CHAC2: variants seen among roughly 807,000 people sequenced by gnomAD.
The protein encoded by CHAC2 is ChaC glutathione specific gamma-glutamylcyclotransferase 2, also known as glutathione-specific gamma-glutamylcyclotransferase 2.
Under a neutral mutation model 16.9 loss-of-function variants are expected in CHAC2, and 20 were observed. The ratio of observed to expected loss-of-function variants is 1.18; its 90% CI spans 0.83 to 1.72. CHAC2 has a LOEUF of 1.72. Among genes scored for constraint, CHAC2 ranks in the 40% most tolerant of loss-of-function variants. The probability of loss-of-function intolerance (pLI) is 0.00; values close to 1 mark genes in which losing one functional copy is unlikely to be tolerated. For missense variants in CHAC2, 269 were observed against 222.2 expected, an observed-to-expected ratio of 1.21 and a Z score of -1.34; for synonymous variants, 91 against 77.3, an observed-to-expected ratio of 1.18 and a Z score of -0.93.
intron 1 of CHAC2, 80 bp from the exon 2 acceptor site, chr2:53,771,827 T>C (rs1288871935): frequency 1.3e-6 from 1 of 778,970 alleles, no homozygotes. Context: ...AAATATTCCA[T>C]GTCAAAAATG....
rs775548080 is a variant in CHAC2, at chr2:53,774,427, A to G, written c.457A>G (p.Arg153Gly). Residue 153 changes from arginine to glycine, a missense_variant, in exon 3 of 3, where the codon AGG becomes GGG. Physicochemically the swap from Arg to Gly is moderately radical, Grantham distance 125. Transcript: ENST00000295304. ...EYLFELANSI[R>G]NLVPEEADEH... The stretch of plus-strand genomic sequence containing the variant: ...TCTTTTTGAACTTGCAAATTCTATT[A>G]GGAACCTTGTGCCAGAAGAAGCAGA... The G allele has an allele frequency of 3.7e-6, 6 of 1,611,854 alleles. No individual in the cohort carries two copies. In the East Asian group the frequency reaches 1.3e-4, roughly 36 times the overall value.
chr2:53,773,175 T>C (rs1410907351), intron 2 of CHAC2, among the ~76,000 whole-genome samples: 1 of 152,168 alleles, frequency 6.6e-6, no homozygotes, highest in African/African-American at 2.4e-5. Flanking sequence ...TAACTCCTAA[T>C]TAAACAGTTA....
At chr2:53,770,100 C>A (rs1477977960) in intron 1 of CHAC2, among the ~76,000 whole-genome samples, 1 of 152,134 alleles carries the variant, frequency 6.6e-6, no homozygotes, top group Non-Finnish European at 1.5e-5. Flanking sequence ...ACTTGACCCT[C>A]ACCAATATAT....
At chr2:53,772,121 G>C (rs114226147) in intron 2 of CHAC2, among the ~76,000 whole-genome samples, 179 bp downstream of exon 2, 2 of 152,220 alleles carry the variant, frequency 1.3e-5, no homozygotes, top group East Asian at 1.9e-4. Flanking sequence ...AGAAAAGTTA[G>C]AATGCAGAGT....
chr2:53,770,639 A>G (rs1227660596), intron 1 of CHAC2, among the ~76,000 whole-genome samples: 1 of 152,132 alleles, frequency 6.6e-6, no homozygotes, highest in East Asian at 1.9e-4. Flanking sequence ...AGTCTTTGAA[A>G]TGGGAGAACA....
At position 53,774,141 on chromosome 2, in the gene CHAC2, G is replaced by C; in HGVS notation, c.172-1G>C. The stretch of plus-strand genomic sequence containing the variant: ...AGTGTATTCTTTTCATTTTTCAACA[G>C]GGATGTGTATGGGGTGTTGCTTACA... On this transcript the variant is annotated splice_acceptor_variant, in intron 2 of 2. Coordinates refer to ENST00000295304, the MANE Select transcript of CHAC2 (RefSeq NM_001008708.4). LOFTEE classifies it high-confidence loss of function. 6.3e-7 allele frequency: 1 copy of C among 1,584,760 alleles called. No individual in the cohort carries two copies.
intron 2 of CHAC2, among the ~76,000 whole-genome samples, chr2:53,773,688 C>G (rs1674112150): frequency 6.6e-6 from 1 of 151,820 alleles, no homozygotes; most frequent in African/African-American, 2.4e-5. Flanking sequence ...CTCGGCCTCC[C>G]AAAGTGCTGG....
At chr2:53,770,764 TA>T (rs952234660) in intron 1 of CHAC2, among the ~76,000 whole-genome samples, 3 of 152,096 alleles carry the variant, frequency 2.0e-5, no homozygotes, top group African/African-American at 7.2e-5. Flanking sequence ...AATGGGAAAA[TA>T]AAATTGCCTA....
intron 1 of CHAC2, among the ~76,000 whole-genome samples, chr2:53,769,239 G>A (rs758771731): frequency 1.3e-5 from 2 of 152,180 alleles, no homozygotes; most frequent in South Asian, 2.1e-4. Flanking sequence ...GGCTGGGCCC[G>A]GTAGCTCACG....
chr2:53,768,340 GA>G (rs1316173772), intron 1 of CHAC2: 2 of 248,316 alleles, frequency 8.1e-6, no homozygotes, highest in Non-Finnish European at 1.5e-5. Flanking sequence ...TCTGCCAAAA[GA>G]AAAAAAGTCC....
chr2:53,769,073 C>T (rs944290276), intron 1 of CHAC2, among the ~76,000 whole-genome samples: 1 of 152,176 alleles, frequency 6.6e-6, no homozygotes, highest in Non-Finnish European at 1.5e-5. Flanking sequence ...GGATGTTGGA[C>T]ACAGTGACCT....
In CHAC2 at chr2:53,774,501, G is replaced by T. The variant is rs1321039105; in HGVS notation, c.531G>T (p.Gly177=). Residue 177 remains glycine, a synonymous_variant, in exon 3 of 3, where the codon GGG becomes GGT. Coordinates refer to ENST00000295304, the MANE Select transcript of CHAC2 (RefSeq NM_001008708.4). ...AATTAGTAAAGGAACGTTTAGAAGG[G>T]AAACAGAACCTCAATTGCATATAAT... ...LEKLVKERLE[G]KQNLNCI is the part of the protein sequence containing the mutation. 1.3e-6 allele frequency: 2 copies of T among 1,557,514 alleles called. No individual in the cohort carries two copies. Among genetic ancestry groups the T allele is most frequent in the African/African-American group, 2.8e-5 (2 of 72,520 alleles).
intron 1 of CHAC2, 23 bp from the exon 2 acceptor site, chr2:53,771,882 ATT>A: frequency 1.4e-6 from 2 of 1,473,248 alleles, no homozygotes; most frequent in Non-Finnish European, 1.9e-6. Flanking sequence ...ATTCAGAAAA[ATT>A]TTTTTTTACC....
At chr2:53,773,860 C>T (rs539841409) in intron 2 of CHAC2, among the ~76,000 whole-genome samples, 93 of 152,010 alleles carry the variant, frequency 6.1e-4, no homozygotes, top group African/African-American at 2.1e-3. Flanking sequence ...CGTGACAAAA[C>T]CCCTTCTCTA....
Position 53,775,126 on chromosome 2 carries a change from T to A in CHAC2, c.*601T>A, listed in dbSNP as rs1302737473. The A allele has an allele frequency of 1.3e-5, 2 of 152,600 alleles. No homozygotes were observed. Among genetic ancestry groups the A allele is most frequent in the African/African-American group, 4.8e-5 (2 of 41,454 alleles). 9.5% of individuals were successfully genotyped at this position (152,600 alleles called of 1,614,324 possible). On this transcript the variant is annotated 3_prime_UTR_variant, in exon 3 of 3. Transcript: ENST00000295304. ...TGTACTGTACCTCTTCTTTTTTAAA[T>A]AAAGGCATTTTACTATATGGAAAAT...
rs144785033 is a variant in CHAC2, at chr2:53,767,953, G to A, written c.67G>A (p.Gly23Arg). 188 of 1,613,990 alleles carry A rather than the reference G, an allele frequency of 1.2e-4. No homozygotes were observed. Among genetic ancestry groups the A allele is most frequent in the Non-Finnish European group, 1.5e-4 (181 of 1,180,004 alleles). ...TTTCCCCTATCAGGACAAGCTGGTC[G>A]GATACATCACCAACTACAGCAGGCG... ...VDFPYQDKLV[G>R]YITNYSRRFW... Residue 23 changes from glycine to arginine, a missense_variant, in exon 1 of 3, where the codon GGA becomes AGA. Physicochemically the swap from Gly to Arg is moderately radical, Grantham distance 125. Coordinates refer to ENST00000295304, the MANE Select transcript of CHAC2 (RefSeq NM_001008708.4).
intron 1 of CHAC2, among the ~76,000 whole-genome samples, chr2:53,769,175 T>C (rs1673712211): frequency 6.6e-6 from 1 of 152,328 alleles, no homozygotes; most frequent in African/African-American, 2.4e-5. Flanking sequence ...TAGAACAATA[T>C]TCAAGACATT....
At chr2:53,768,580 T>C (rs1008283512) in intron 1 of CHAC2, among the ~76,000 whole-genome samples, 1 of 152,264 alleles carries the variant, frequency 6.6e-6, no homozygotes, top group Non-Finnish European at 1.5e-5. Flanking sequence ...TTTCGCTGGT[T>C]ATTAAGGAAC....
At position 53,774,327 on chromosome 2, in the gene CHAC2, T is replaced by C. The variant is rs1194252466; in HGVS notation, c.357T>C (p.Leu119=). The C allele has an allele frequency of 3.7e-6, 6 of 1,613,480 alleles. No individual in the cohort carries two copies. The highest frequency in any genetic ancestry group is 2.2e-5 in the East Asian group (1 of 44,878). Residue 119 remains leucine (L), a synonymous_variant, in exon 3 of 3, where the codon CTT becomes CTC. Transcript: ENST00000295304. ...YIGTCDNPDY[L]GPAPLEDIAE... is the part of the protein sequence containing the mutation. Reference sequence around the variant, plus strand: ...GAACATGTGATAATCCTGATTATCTTGGTCCTGCACCTCTGGAAGACATTG... The same window carrying C: ...GAACATGTGATAATCCTGATTATCTCGGTCCTGCACCTCTGGAAGACATTG...
Sources: allele counts gnomAD v4.1 joint callset (sites outside exome capture counted in the v4.1 genomes callset), GRCh38; gene constraint gnomAD v4.1.1; transcripts MANE v1.5; gene names NCBI Gene and HGNC (gene_info 2026-07-23, HGNC 2026-07-21).